The following SPAST variants were observed in gnomAD, a reference collection of about 807,000 sequenced individuals.
The protein encoded by SPAST is spastic paraplegia 4 (autosomal dominant; spastin).
In SPAST, 30 loss-of-function variants were observed where a neutral mutation model predicts 76.6. That is an observed-to-expected ratio of 0.39 (90% CI 0.29 to 0.53). The LOEUF (loss-of-function observed/expected upper bound fraction) is 0.53. SPAST is among the 20% of genes least tolerant of loss of function. The probability of loss-of-function intolerance (pLI) is 0.68; values close to 1 mark genes in which losing one functional copy is unlikely to be tolerated. For missense variants in SPAST, 717 were observed against 770.5 expected, an observed-to-expected ratio of 0.93 and a Z score of 0.82; for synonymous variants, 305 against 281.0, an observed-to-expected ratio of 1.09 and a Z score of -0.86.
intron 4 of SPAST, among the ~76,000 whole-genome samples, chr2:32,107,686 A>T (rs1246657849): frequency 6.6e-6 from 1 of 152,212 alleles, no homozygotes; most frequent in African/African-American, 2.4e-5. Flanking sequence ...AAAAAAATGT[A>T]AAAACCCTAA....
rs1162817708 is a variant in SPAST, at chr2:32,080,783, C to CTTTTT, written c.416-6684_416-6680dup. On this transcript the variant is annotated intron_variant, in intron 1 of 16. Transcript: ENST00000315285. ...AGTTCTTGTATGGTCTGGCTCAGTT[C>CTTTTT]TTTTTTTTTTTTTTTTTTTTTTTTT... 2.9e-3 allele frequency among the ~76,000 whole-genome samples: 139 copies of CTTTTT among 48,456 alleles called. 26 individuals carry two copies. Among genetic ancestry groups the CTTTTT allele is most frequent in the East Asian group, 4.5e-3 (6 of 1,344 alleles). 31.8% of individuals were successfully genotyped at this position (48,456 alleles called of 152,430 possible).
chr2:32,149,327 G>T (rs1226863489), intron 16 of SPAST, among the ~76,000 whole-genome samples: 12 of 145,660 alleles, frequency 8.2e-5, no homozygotes, highest in African/African-American at 2.8e-4. Flanking sequence ...TCGAACTCCT[G>T]ACCTCAGGCG....
chr2:32,141,225 G>A (rs757505117), intron 12 of SPAST, among the ~76,000 whole-genome samples: 1 of 152,168 alleles, frequency 6.6e-6, no homozygotes, highest in Non-Finnish European at 1.5e-5. Context: ...GCAAGACATT[G>A]TCTTCCCGCC....
intron 9 of SPAST, 134 bp downstream of exon 9, chr2:32,128,613 TGAATATCTATCTTC>T: frequency 1.5e-6 from 1 of 688,276 alleles, no homozygotes; most frequent in Non-Finnish European, 2.6e-6. Context: ...TTACATATGA[TGAATATCTATCTTC>T]AGAGTAGAAA....
rs1340625592 is a variant in SPAST at position 32,063,565 on chromosome 2, G to A, written c.-267G>A. On this transcript the variant is annotated 5_prime_UTR_variant, in exon 1 of 17. Transcript: ENST00000315285. ...GAAGACGTGCGCGTGCGCGGCCGCC[G>A]CTGGGAGCCACCAGGCGGCGGAGAG... 1.2e-5 allele frequency: 6 copies of A among 501,076 alleles called. No individual in the cohort carries two copies. Among genetic ancestry groups the A allele is most frequent in the East Asian group, 3.6e-5 (1 of 27,652 alleles). The allele number at this position is 501,076 out of a possible 1,614,324, so 31.0% of individuals were successfully genotyped here.
chr2:32,133,028 A>G lies in SPAST; in HGVS notation c.1246-3535A>G, dbSNP rs537522786. 1.0e-3 allele frequency among the ~76,000 whole-genome samples: 148 copies of G among 144,826 alleles called. 1 individual carries two copies. The highest frequency in any genetic ancestry group is 3.7e-3 in the African/African-American group (145 of 39,368). On this transcript the variant is annotated intron_variant, in intron 9 of 16. Coordinates refer to ENST00000315285, the MANE Select transcript of SPAST (RefSeq NM_014946.4). The stretch of plus-strand genomic sequence containing the variant: ...GCCATTCCACTCCAGCCTGGGCAAC[A>G]AAAGTGAAACTCCATCTCAAAAAAA...
Position 32,085,839 on chromosome 2 carries a change from C to G in SPAST, c.416-1653C>G, listed in dbSNP as rs116108176. Among the ~76,000 whole-genome samples the G allele has an allele frequency of 3.3e-3, 493 of 151,412 alleles. 1 individual carries two copies. The highest frequency in any genetic ancestry group is 0.012 in the African/African-American group (479 of 41,290). ...GAGGATCACAACAAGGTCAGGAGAT[C>G]GAGACTATCCTGAACAACATGGTGA... is the stretch of plus-strand genomic sequence containing the variant. On this transcript the variant is annotated intron_variant, in intron 1 of 16. Transcript: ENST00000315285.
At chr2:32,096,325 T>C (rs11686061) in intron 3 of SPAST, among the ~76,000 whole-genome samples, 64,629 of 152,016 alleles carry the variant, frequency 0.43, 14,043 homozygotes, top group East Asian at 0.64. Context: ...ATCCCAGCTA[T>C]TCGGGAGGCT....
At chr2:32,135,219 T>A (rs535984014) in intron 9 of SPAST, among the ~76,000 whole-genome samples, 8 of 151,302 alleles carry the variant, frequency 5.3e-5, no homozygotes, top group East Asian at 4.0e-4. Context: ...AAGCTCCACC[T>A]CCTGGGTTCA....
At chr2:32,087,280 G>A (rs893499858) in intron 1 of SPAST, among the ~76,000 whole-genome samples, 1 of 151,994 alleles carries the variant, frequency 6.6e-6, no homozygotes, top group South Asian at 2.1e-4. Context: ...TAGGACTCAC[G>A]GCCCCAAAAT....
At chr2:32,082,591 G>A (rs1249089061) in intron 1 of SPAST, among the ~76,000 whole-genome samples, 1 of 151,988 alleles carries the variant, frequency 6.6e-6, no homozygotes, top group Admixed American at 6.6e-5. Flanking sequence ...AGCTACTTGG[G>A]AGGCTGAGGC....
intron 1 of SPAST, among the ~76,000 whole-genome samples, chr2:32,075,249 C>T (rs1245451105): frequency 1.3e-5 from 2 of 151,066 alleles, no homozygotes; most frequent in African/African-American, 4.9e-5. Flanking sequence ...GGTGAAACCC[C>T]ATCTCTACTA....
rs947862936 is a variant in SPAST, at chr2:32,155,332, C to T, written c.*836C>T. Reference sequence around the variant, plus strand: ...ACTTCTTCCTGATGGAATTTATTTTCTGCAAGAATTATTCTGATATTTAAG... The same window carrying T: ...ACTTCTTCCTGATGGAATTTATTTTTTGCAAGAATTATTCTGATATTTAAG... On this transcript the variant is annotated 3_prime_UTR_variant, in exon 17 of 17. Coordinates refer to ENST00000315285, the MANE Select transcript of SPAST (RefSeq NM_014946.4). The T allele has an allele frequency of 6.6e-6, 1 of 152,318 alleles. No homozygotes were observed. Among genetic ancestry groups the T allele is most frequent in the Non-Finnish European group, 1.5e-5 (1 of 67,958 alleles). The allele number at this position is 152,318 out of a possible 1,614,324, so 9.4% of individuals were successfully genotyped here.
intron 4 of SPAST, among the ~76,000 whole-genome samples, chr2:32,112,990 T>G (rs1226549177): frequency 3.9e-5 from 6 of 152,184 alleles, no homozygotes; most frequent in Admixed American, 3.9e-4. Context: ...ATATATATAG[T>G]ACAGCAACAC....
At chr2:32,074,208 C>T (rs532059215) in intron 1 of SPAST, among the ~76,000 whole-genome samples, 44 of 152,228 alleles carry the variant, frequency 2.9e-4, no homozygotes, top group Non-Finnish European at 6.2e-4. Flanking sequence ...TATCATAAAA[C>T]CTATCTAGAA....
intron 16 of SPAST, among the ~76,000 whole-genome samples, chr2:32,148,334 T>A (rs1489685551): frequency 6.6e-6 from 1 of 152,070 alleles, no homozygotes; most frequent in Non-Finnish European, 1.5e-5. Context: ...CATATATACA[T>A]AAAGTCATTT....
chr2:32,125,362 T>G (rs1458050184), intron 7 of SPAST, among the ~76,000 whole-genome samples: 5 of 152,028 alleles, frequency 3.3e-5, no homozygotes, highest in Non-Finnish European at 4.4e-5. Context: ...TAGCTGAGAT[T>G]ACAGGCATGT....
chr2:32,114,831 C>G lies in SPAST; in HGVS notation c.870+6C>G, dbSNP rs1678765664. On this transcript the variant is annotated splice_donor_region_variant and intron_variant, in intron 5 of 16. Transcript: ENST00000315285. ...CTGCTCCTACCACTCATAAGGTATT[C>G]TGGGACAGTAACTTTAATTGCTGTC... The G allele has an allele frequency of 6.2e-7, 1 of 1,611,676 alleles. No homozygotes were observed. The highest frequency in any genetic ancestry group is 2.2e-5 in the East Asian group (1 of 44,850).
intron 3 of SPAST, among the ~76,000 whole-genome samples, chr2:32,091,256 A>G (rs1467741529): frequency 9.6e-6 from 1 of 104,288 alleles, no homozygotes; most frequent in Non-Finnish European, 2.0e-5. Flanking sequence ...TATTATTATT[A>G]TTATTATTAT....
Sources: gnomAD v4.1 joint callset for allele counts (sites outside exome capture counted in the v4.1 genomes callset) on GRCh38, gnomAD v4.1.1 for gene constraint, MANE v1.5 for transcripts, NCBI Gene and HGNC (gene_info 2026-07-23, HGNC 2026-07-21) for gene names.